Variants in GIGYF1 observed in about 807,000 individuals in gnomAD.
GIGYF1 encodes GRB10 interacting GYF protein 1.
A neutral mutation model predicts 147.1 loss-of-function variants in GIGYF1; 84 were observed. The ratio of observed to expected loss-of-function variants is 0.57; its 90% CI spans 0.48 to 0.68. The LOEUF (loss-of-function observed/expected upper bound fraction) is 0.68, where lower values mean the gene tolerates loss of function less well. GIGYF1 is among the 30% of genes least tolerant of loss of function. GIGYF1 has a pLI of 0.00. For missense variants in GIGYF1, 1,485 were observed against 1,393.7 expected, an observed-to-expected ratio of 1.07 and a Z score of -1.04; for synonymous variants, 752 against 589.5, an observed-to-expected ratio of 1.28 and a Z score of -3.99.
Position 100,687,290 on chromosome 7 carries a change from C to T in GIGYF1, c.482+8G>A, listed in dbSNP as rs221796. 6.2e-7 allele frequency: 1 copy of T among 1,611,370 alleles called. No homozygotes were observed. Among genetic ancestry groups the T allele is most frequent in the Non-Finnish European group, 8.5e-7 (1 of 1,178,850 alleles). On this transcript the variant is annotated splice_region_variant and intron_variant, in intron 8 of 26. Coordinates refer to ENST00000678049, the MANE Select transcript of GIGYF1 (RefSeq NM_001375765.1). ...CCGGCTCTGCGCCATGCCCCCTCCC[C>T]GCCCCACCTGTCATCCCAGCTCTGG... is the stretch of plus-strand genomic sequence containing the variant.
At chr7:100,693,548 T>C (rs965186689) in intron 1 of GIGYF1, among the ~76,000 whole-genome samples, 2 of 152,124 alleles carry the variant, frequency 1.3e-5, no homozygotes, top group Non-Finnish European at 2.9e-5. Flanking sequence ...AAGGCTTCCA[T>C]GTTGGCCAAA....
intron 1 of GIGYF1, among the ~76,000 whole-genome samples, chr7:100,690,288 T>A (rs1336030210): frequency 6.6e-6 from 1 of 152,142 alleles, no homozygotes; most frequent in Non-Finnish European, 1.5e-5. Context: ...CTCCAGTTCA[T>A]TCCTTCTAGA....
At chr7:100,689,983 G>A (rs907526261) in intron 1 of GIGYF1, among the ~76,000 whole-genome samples, 4 of 152,208 alleles carry the variant, frequency 2.6e-5, no homozygotes, top group African/African-American at 9.6e-5. Context: ...TGAGGGGACA[G>A]GGAGCTGTTG....
chr7:100,684,944 TCAG>T (rs1487545554), intron 14 of GIGYF1, 50 bp from the exon 15 acceptor site: 17 of 1,594,670 alleles, frequency 1.1e-5, no homozygotes, highest in Non-Finnish European at 1.4e-5. Context: ...CTCAGCAACA[TCAG>T]GATGGGGATG....
chr7:100,687,218 C>G (rs1805441380), intron 8 of GIGYF1, 80 bp downstream of exon 8: 2 of 1,487,282 alleles, frequency 1.3e-6, no homozygotes, highest in African/African-American at 2.8e-5. Context: ...TGGTGGGCCT[C>G]TGTTACCCTC....
intron 1 of GIGYF1, among the ~76,000 whole-genome samples, chr7:100,691,737 C>A (rs934836017): frequency 6.6e-6 from 1 of 152,082 alleles, no homozygotes; most frequent in Non-Finnish European, 1.5e-5. Flanking sequence ...CGGCCTACTT[C>A]GGCTCCTCGC....
At position 100,687,065 on chromosome 7, in the gene GIGYF1, G is replaced by A; in HGVS notation, c.483-19C>T. 3 of 1,613,804 alleles carry A rather than the reference G, an allele frequency of 1.9e-6. No homozygotes were observed. Among genetic ancestry groups the A allele is most frequent in the Non-Finnish European group, 2.5e-6 (3 of 1,180,008 alleles). ...CTCGCCTCTGCAGCAGGGGAAACGT[G>A]TGGGTCAGAAACAGTACAGCCTCCC... On this transcript the variant is annotated intron_variant, in intron 8 of 26. Transcript: ENST00000678049.
rs1261573294 is a variant in GIGYF1, at chr7:100,681,106, C to G, written c.*613G>C. The G allele has an allele frequency of 6.5e-6, 1 of 152,722 alleles. No individual in the cohort carries two copies. 9.5% of individuals were successfully genotyped at this position (152,722 alleles called of 1,614,324 possible). A position where few individuals can be genotyped will look rare whatever the true frequency, so the allele number is the denominator to read the frequency against. ...GCTACTTTGGCCCCACCCCGGACAC[C>G]TCAGCCAGCCTCAGTGACAGGAGCT... On this transcript the variant is annotated 3_prime_UTR_variant, in exon 27 of 27. Transcript: ENST00000678049.
At chr7:100,691,528 T>C (rs1042426408) in intron 1 of GIGYF1, among the ~76,000 whole-genome samples, 2 of 97,044 alleles carry the variant, frequency 2.1e-5, no homozygotes, top group African/African-American at 8.9e-5. Context: ...TAAGAAAAAC[T>C]GCCTAAGTTT....
chr7:100,683,801 C>G lies in GIGYF1; in HGVS notation c.1969+17G>C. 1 of 1,573,474 alleles carries G rather than the reference C, an allele frequency of 6.4e-7. No individual in the cohort carries two copies. The highest frequency in any genetic ancestry group is 8.6e-7 in the Non-Finnish European group (1 of 1,157,210). On this transcript the variant is annotated intron_variant, in intron 19 of 26. Transcript: ENST00000678049. Reference sequence around the variant, plus strand: ...CCGGAGACTGCCTTGGGGGTGGGGACCAGTCAGGCCACACACCTGACTGTG... The same window carrying G: ...CCGGAGACTGCCTTGGGGGTGGGGAGCAGTCAGGCCACACACCTGACTGTG...
rs770582603 is a variant in GIGYF1 at position 100,683,393 on chromosome 7, G to A, written c.2104C>T (p.Arg702Cys). The change falls in exon 21 of 27, where the codon CGC (arginine) becomes TGC (cysteine). Residue 702 changes from arginine to cysteine, a missense_variant. Physicochemically the swap from Arg to Cys is radical, Grantham distance 180. Transcript: ENST00000678049. ...ELRAKREEEE[R>C]KRREEKRRQQ... ...CGGCGCTTCTCCTCTCGACGCTTGC[G>A]TTCCTCTTCCTCCCGCTTCGCCCTG... The A allele has an allele frequency of 8.1e-6, 13 of 1,613,470 alleles. No homozygotes were observed. Among genetic ancestry groups the A allele is most frequent in the East Asian group, 2.2e-5 (1 of 44,892 alleles).
chr7:100,679,694 C>T lies in GIGYF1; in HGVS notation c.*2025G>A, dbSNP rs945852833. On this transcript the variant is annotated 3_prime_UTR_variant, in exon 27 of 27. Transcript: ENST00000678049. Reference sequence around the variant, plus strand: ...GGGGAGCAGCGAGGGCCCAGGAAGACCGGGGCCGGGGAAGGACAGCAACAG... The same window carrying T: ...GGGGAGCAGCGAGGGCCCAGGAAGATCGGGGCCGGGGAAGGACAGCAACAG... The T allele has an allele frequency of 1.3e-5, 2 of 152,784 alleles. No homozygotes were observed. Among genetic ancestry groups the T allele is most frequent in the Non-Finnish European group, 2.9e-5 (2 of 68,278 alleles). The allele number at this position is 152,784 out of a possible 1,614,324, so 9.5% of individuals were successfully genotyped here.
rs532409036 is a variant in GIGYF1, at chr7:100,681,585, T to C, written c.*134A>G. On this transcript the variant is annotated 3_prime_UTR_variant, in exon 27 of 27. Coordinates refer to ENST00000678049, the MANE Select transcript of GIGYF1 (RefSeq NM_001375765.1). ...TGGGTGAGTTAAGGTGCATCGTGTG[T>C]TTGTAACAAGTGCTGGGGACCCCGC... The C allele has an allele frequency of 1.5e-6, 1 of 668,952 alleles. No individual in the cohort carries two copies. The highest frequency in any genetic ancestry group is 3.0e-5 in the East Asian group (1 of 33,558). The allele number at this position is 668,952 out of a possible 1,614,324, so 41.4% of individuals were successfully genotyped here.
Position 100,687,229 on chromosome 7 carries a change from TAGCGACAGGGCCCAG to T in GIGYF1, c.482+54_482+68del, listed in dbSNP as rs1805442397. 2.0e-6 allele frequency: 3 copies of T among 1,504,516 alleles called. No individual in the cohort carries two copies. The African/African-American group carries it at 4.1e-5, about 21-fold the overall frequency. 93.2% of individuals were successfully genotyped at this position (1,504,516 alleles called of 1,614,324 possible). ...TATCTGGTGGGCCTCTGTTACCCTC[TAGCGACAGGGCCCAG>T]GCCTCCCCTCCCTGGCCTGCCCGGC... On this transcript the variant is annotated intron_variant, in intron 8 of 26. Transcript: ENST00000678049.
In GIGYF1 at chr7:100,686,288, C is replaced by G. The variant is rs776564407; in HGVS notation, c.840G>C (p.Ala280=). The change falls in exon 11 of 27, where the codon GCG becomes GCC. Residue 280 remains alanine, a synonymous_variant. Coordinates refer to ENST00000678049, the MANE Select transcript of GIGYF1 (RefSeq NM_001375765.1). ...GGSSHLRRCR[A]PEGFEEDKDG... is the part of the protein sequence containing the mutation. ...CCTTGTCCTCCTCAAAGCCTTCAGGCGCTCGGCACCGCCGCAGGTGAGAGC... is the reference window on the plus strand; with the variant it reads ...CCTTGTCCTCCTCAAAGCCTTCAGGGGCTCGGCACCGCCGCAGGTGAGAGC... 6.2e-7 allele frequency: 1 copy of G among 1,614,010 alleles called. No homozygotes were observed. Among genetic ancestry groups the G allele is most frequent in the Non-Finnish European group, 8.5e-7 (1 of 1,179,966 alleles).
chr7:100,683,494 G>A lies in GIGYF1; in HGVS notation c.2053-50C>T, dbSNP rs376038130. ...GGAGAGCTGCAGGGGACAGCCTGGGGCCTGCCTCGGTCCACCCTTCATTCC... is the reference window on the plus strand; with the variant it reads ...GGAGAGCTGCAGGGGACAGCCTGGGACCTGCCTCGGTCCACCCTTCATTCC... On this transcript the variant is annotated intron_variant, in intron 20 of 26. Coordinates refer to ENST00000678049, the MANE Select transcript of GIGYF1 (RefSeq NM_001375765.1). The A allele has an allele frequency of 2.1e-5, 34 of 1,613,122 alleles. No homozygotes were observed. The African/African-American group carries it at 3.7e-4, about 18-fold the overall frequency.
intron 8 of GIGYF1, 122 bp from the exon 9 acceptor site, chr7:100,687,168 C>T: frequency 6.7e-7 from 1 of 1,489,186 alleles, no homozygotes; most frequent in Non-Finnish European, 9.4e-7. Flanking sequence ...ACAAACGAAA[C>T]CAGGGGTCAG....
Position 100,687,583 on chromosome 7 carries a change from C to T in GIGYF1, c.295G>A (p.Val99Met). ...GCCCCTTTCCCCATCAGCCTCAGCACAGCCACGCTGTTCACTGACAGGGAG... is the reference window on the plus strand; with the variant it reads ...GCCCCTTTCCCCATCAGCCTCAGCATAGCCACGCTGTTCACTGACAGGGAG... The part of the protein sequence containing the change: ...NFSLSVNSVA[V>M]LRLMGKGAGP... Residue 99 changes from valine to methionine, a missense_variant, in exon 7 of 27, where the codon GTG becomes ATG. Val to Met is a conservative substitution (Grantham distance 21). Transcript: ENST00000678049. 3 of 1,612,634 alleles carry T rather than the reference C, an allele frequency of 1.9e-6. No homozygotes were observed. Among genetic ancestry groups the T allele is most frequent in the Non-Finnish European group, 2.5e-6 (3 of 1,179,860 alleles).
chr7:100,681,140 C>G lies in GIGYF1; in HGVS notation c.*579G>C, dbSNP rs905959237. 6.5e-6 allele frequency: 1 copy of G among 152,826 alleles called. No individual in the cohort carries two copies. The highest frequency in any genetic ancestry group is 1.5e-5 in the Non-Finnish European group (1 of 68,076). 9.5% of individuals were successfully genotyped at this position (152,826 alleles called of 1,614,324 possible). A position where few individuals can be genotyped will look rare whatever the true frequency, so the allele number is the denominator to read the frequency against. Reference sequence around the variant, plus strand: ...CCTCAGTGACAGGAGCTGCTCACAACAGGTCTGGCGGGTGGGGCTCAGACA... The same window carrying G: ...CCTCAGTGACAGGAGCTGCTCACAAGAGGTCTGGCGGGTGGGGCTCAGACA... On this transcript the variant is annotated 3_prime_UTR_variant, in exon 27 of 27. Transcript: ENST00000678049.
Sources: gnomAD v4.1 joint callset for allele counts (sites outside exome capture counted in the v4.1 genomes callset) on GRCh38, gnomAD v4.1.1 for gene constraint, MANE v1.5 for transcripts, NCBI Gene and HGNC (gene_info 2026-07-23, HGNC 2026-07-21) for gene names.